Variants in RAPGEF6 observed in about 807,000 individuals in gnomAD.
The protein encoded by RAPGEF6 is Rap guanine nucleotide exchange factor 6, also known as PDZ domain containing guanine nucleotide exchange factor (GEF) 2.
RAPGEF6 carries 56 observed loss-of-function variants against 171.4 expected under a neutral mutation model. That is an observed-to-expected ratio of 0.33 (90% CI 0.26 to 0.41). The LOEUF is 0.41. Among genes scored for constraint, RAPGEF6 ranks in the 10% least tolerant of loss-of-function variants. The pLI, the probability that RAPGEF6 is intolerant of heterozygous loss-of-function variation, is 1.00. For missense variants in RAPGEF6, 1,674 were observed against 1,921.4 expected (o/e 0.87, Z 2.41); for synonymous variants, 692 against 650.1 (o/e 1.06, Z -0.98).
chr5:131,495,253 C>A lies in RAPGEF6; in HGVS notation c.1527+300G>T, dbSNP rs562571818. 3.3e-5 allele frequency among the ~76,000 whole-genome samples: 5 copies of A among 151,482 alleles called. No homozygotes were observed. The South Asian group carries it at 1.0e-3, about 32-fold the overall frequency. On this transcript the variant is annotated intron_variant, in intron 13 of 27. Transcript: ENST00000509018. ...GAGGTCGCAGTGAGCCAAGATTGCA[C>A]CACTGCACTCCAGCCTGGGCGACAG... is the stretch of plus-strand genomic sequence containing the variant.
chr5:131,551,197 T>C (rs1271782272), intron 5 of RAPGEF6, among the ~76,000 whole-genome samples: 1 of 152,164 alleles, frequency 6.6e-6, no homozygotes, highest in African/African-American at 2.4e-5. Context: ...CCTATTGTAA[T>C]AGATGGTACA....
intron 1 of RAPGEF6, among the ~76,000 whole-genome samples, chr5:131,624,707 C>A (rs550725854): frequency 2.6e-5 from 4 of 152,262 alleles, no homozygotes; most frequent in African/African-American, 9.6e-5. Context: ...AATGACAGAA[C>A]CAGAAGAGTG....
intron 17 of RAPGEF6, chr5:131,469,780 T>C (rs749984507): frequency 2.7e-6 from 4 of 1,483,554 alleles, no homozygotes; most frequent in African/African-American, 2.8e-5. Flanking sequence ...AATAGAATAC[T>C]ACAGTCTTTA....
chr5:131,631,502 AACCACTTCTC>A (rs561240917), intron 1 of RAPGEF6, among the ~76,000 whole-genome samples: 185 of 152,316 alleles, frequency 1.2e-3, no homozygotes, highest in African/African-American at 4.4e-3. Flanking sequence ...TCTAAAACTT[AACCACTTCTC>A]ACCACTTCCA....
chr5:131,470,530 A>T (rs1465068768), intron 17 of RAPGEF6, among the ~76,000 whole-genome samples: 1 of 152,230 alleles, frequency 6.6e-6, no homozygotes, highest in Non-Finnish European at 1.5e-5. Context: ...GCAAACATAC[A>T]GCCATATAAA....
At position 131,504,634 on chromosome 5, in the gene RAPGEF6, C is replaced by A. The variant is rs1372779117; in HGVS notation, c.1246G>T (p.Val416Leu). 6.2e-7 allele frequency: 1 copy of A among 1,604,230 alleles called. No homozygotes were observed. Among genetic ancestry groups the A allele is most frequent in the Non-Finnish European group, 8.5e-7 (1 of 1,177,028 alleles). The stretch of plus-strand genomic sequence containing the variant: ...TAAGTAAAAACACCCACCTTGATCA[C>A]AATGTGTCCTTTCCTGGTTCCACTC... ...DRSGTRKGHI[V>L]IKATPERLIM... is the part of the protein sequence containing the mutation. The change falls in exon 11 of 28, where the codon GTG becomes TTG. Residue 416 changes from valine (V) to leucine (L), a missense_variant. Val to Leu is a conservative substitution (Grantham distance 32). Coordinates refer to ENST00000509018, the MANE Select transcript of RAPGEF6 (RefSeq NM_016340.6).
Position 131,635,162 on chromosome 5 carries a change from T to A in RAPGEF6, c.-132A>T. The stretch of plus-strand genomic sequence containing the variant: ...TCGCGCCGTAACAAGGTCCGAACTC[T>A]AGCAAACAACCCTTCGCAACGCCCG... On this transcript the variant is annotated 5_prime_UTR_variant, in exon 1 of 28. Coordinates refer to ENST00000509018, the MANE Select transcript of RAPGEF6 (RefSeq NM_016340.6). 1 of 950,682 alleles carries A rather than the reference T, an allele frequency of 1.1e-6. No homozygotes were observed. Among genetic ancestry groups the A allele is most frequent in the Non-Finnish European group, 1.5e-6 (1 of 659,642 alleles). 58.9% of individuals were successfully genotyped at this position (950,682 alleles called of 1,614,324 possible). A position where few individuals can be genotyped will look rare whatever the true frequency, so the allele number is the denominator to read the frequency against.
chr5:131,597,171 C>T (rs1223309200), intron 3 of RAPGEF6, among the ~76,000 whole-genome samples: 2 of 152,038 alleles, frequency 1.3e-5, no homozygotes, highest in African/African-American at 4.8e-5. Flanking sequence ...CACAACAAGA[C>T]ACCACTTCAT....
chr5:131,509,742 A>G (rs979441087), intron 8 of RAPGEF6, among the ~76,000 whole-genome samples: 1 of 152,194 alleles, frequency 6.6e-6, no homozygotes, highest in East Asian at 1.9e-4. Flanking sequence ...TATTTTATAT[A>G]TTGTGGCAGC....
intron 4 of RAPGEF6, among the ~76,000 whole-genome samples, chr5:131,570,909 G>A (rs1316846293): frequency 2.0e-5 from 3 of 150,410 alleles, no homozygotes; most frequent in African/African-American, 4.9e-5. Context: ...CTGAATGAAC[G>A]CTTCCAACTC....
At position 131,479,665 on chromosome 5, in the gene RAPGEF6, A is replaced by C. The variant is rs757537515; in HGVS notation, c.1929T>G (p.His643Gln). 3 of 1,613,938 alleles carry C rather than the reference A, an allele frequency of 1.9e-6. No homozygotes were observed. Among genetic ancestry groups the C allele is most frequent in the African/African-American group, 2.7e-5 (2 of 74,916 alleles). ...PKIAEKKSNRHSIQHVPGDIE... is the reference protein window; with the variant it reads ...PKIAEKKSNRQSIQHVPGDIE... Reference sequence around the variant, plus strand: ...TATCTCCTGGCACATGCTGGATAGAATGGCGATTACTTTTTTTTTCAGCAA... The same window carrying C: ...TATCTCCTGGCACATGCTGGATAGACTGGCGATTACTTTTTTTTTCAGCAA... The change falls in exon 16 of 28, where the codon CAT becomes CAG. Residue 643 changes from histidine to glutamine, a missense_variant. Physicochemically the swap from His to Gln is conservative, Grantham distance 24. Coordinates refer to ENST00000509018, the MANE Select transcript of RAPGEF6 (RefSeq NM_016340.6).
chr5:131,439,433 T>A, intron 24 of RAPGEF6, 148 bp downstream of exon 24: 1 of 1,357,304 alleles, frequency 7.4e-7, no homozygotes, highest in Non-Finnish European at 9.6e-7. Flanking sequence ...ATCTGAATAA[T>A]GCAATACAAA....
chr5:131,448,219 C>T (rs966285129), intron 21 of RAPGEF6, among the ~76,000 whole-genome samples: 1 of 152,122 alleles, frequency 6.6e-6, no homozygotes, highest in Non-Finnish European at 1.5e-5. Flanking sequence ...AATCCAGAAG[C>T]TAATGACTCT....
chr5:131,525,605 G>A (rs1184588807), intron 6 of RAPGEF6, among the ~76,000 whole-genome samples: 1 of 152,000 alleles, frequency 6.6e-6, no homozygotes, highest in Non-Finnish European at 1.5e-5. Context: ...GAATATTGAT[G>A]AGGGTATGAT....
At chr5:131,430,443 C>T (rs1385807369) in intron 26 of RAPGEF6, among the ~76,000 whole-genome samples, 3 of 152,186 alleles carry the variant, frequency 2.0e-5, no homozygotes, top group African/African-American at 7.2e-5. Context: ...TTTTCTCTCA[C>T]TGTTACGACC....
At chr5:131,521,905 T>TCTCA (rs1253951978) in intron 6 of RAPGEF6, among the ~76,000 whole-genome samples, 9 of 122,812 alleles carry the variant, frequency 7.3e-5, no homozygotes, top group East Asian at 2.4e-4. Context: ...TCTCTCTCTC[T>TCTCA]CACACACACA....
chr5:131,431,360 A>C lies in RAPGEF6; in HGVS notation c.3975-11T>G. ...TTCAAGAGTGTCCACCTAAAATTGG[A>C]GATAACGTACAATTAGAAGGCTTGC... On this transcript the variant is annotated splice_polypyrimidine_tract_variant and intron_variant, in intron 25 of 27. Transcript: ENST00000509018. 1 of 1,578,528 alleles carries C rather than the reference A, an allele frequency of 6.3e-7. No homozygotes were observed. Among genetic ancestry groups the C allele is most frequent in the Non-Finnish European group, 8.6e-7 (1 of 1,159,114 alleles).
chr5:131,519,403 G>A (rs1758323333), intron 7 of RAPGEF6, among the ~76,000 whole-genome samples: 1 of 151,998 alleles, frequency 6.6e-6, no homozygotes, highest in Non-Finnish European at 1.5e-5. Context: ...AGTTTTTCTT[G>A]TCTTTTCTTC....
intron 1 of RAPGEF6, among the ~76,000 whole-genome samples, chr5:131,608,604 T>C (rs1331166863): frequency 6.6e-6 from 1 of 152,166 alleles, no homozygotes; most frequent in Non-Finnish European, 1.5e-5. Context: ...TAAAATTTGA[T>C]CCCCAATGTA....
Sources: allele counts gnomAD v4.1 joint callset (sites outside exome capture counted in the v4.1 genomes callset), GRCh38; gene constraint gnomAD v4.1.1; transcripts MANE v1.5; gene names NCBI Gene and HGNC (gene_info 2026-07-23, HGNC 2026-07-21).